Variants in NAV3 observed in about 807,000 individuals in gnomAD.
NAV3 encodes pore membrane and/or filament interacting like protein 1.
Under a neutral mutation model 244.7 loss-of-function variants are expected in NAV3, and 87 were observed. The ratio of observed to expected loss-of-function variants is 0.36; its 90% CI spans 0.30 to 0.42. NAV3 has a LOEUF of 0.42. NAV3 is among the 20% of genes least tolerant of loss of function. NAV3 has a pLI of 1.00. For synonymous variants in NAV3, 1,126 were observed against 1,042.2 expected, an observed-to-expected ratio of 1.08 and a Z score of -1.55; for missense variants, 2,663 against 2,893.3, an observed-to-expected ratio of 0.92 and a Z score of 1.83.
At chr12:77,580,206 G>A (rs1413279059) in intron 2 of NAV3, among the ~76,000 whole-genome samples, 1 of 146,592 alleles carries the variant, frequency 6.8e-6, no homozygotes, top group African/African-American at 2.6e-5. Flanking sequence ...TCTTTATTTG[G>A]GGGTAGGGTG....
intron 2 of NAV3, among the ~76,000 whole-genome samples, chr12:77,652,388 T>G (rs1489527092): frequency 6.6e-6 from 1 of 152,202 alleles, no homozygotes; most frequent in Non-Finnish European, 1.5e-5. Flanking sequence ...CTCTTTATTG[T>G]ACTACTTCTG....
intron 12 of NAV3, among the ~76,000 whole-genome samples, chr12:78,077,967 T>A (rs1240117143): frequency 1.3e-5 from 2 of 152,104 alleles, no homozygotes; most frequent in Non-Finnish European, 2.9e-5. Flanking sequence ...ACATATTGTC[T>A]CACCCTTCTG....
chr12:77,718,782 C>A (rs997414457), intron 2 of NAV3, among the ~76,000 whole-genome samples: 1 of 151,900 alleles, frequency 6.6e-6, no homozygotes, highest in Non-Finnish European at 1.5e-5. Context: ...CTCAGCCTCC[C>A]AAGTAGCTGG....
intron 2 of NAV3, among the ~76,000 whole-genome samples, chr12:77,600,488 A>G (rs989633934): frequency 6.6e-6 from 1 of 151,940 alleles, no homozygotes; most frequent in Non-Finnish European, 1.5e-5. Flanking sequence ...TAGGTAAGAT[A>G]ATTGCATATA....
intron 2 of NAV3, among the ~76,000 whole-genome samples, chr12:77,699,557 T>G (rs1194528286): frequency 2.0e-5 from 3 of 152,066 alleles, no homozygotes; most frequent in Non-Finnish European, 4.4e-5. Context: ...CTTGAATGGC[T>G]GGGGGAAGGA....
intron 2 of NAV3, among the ~76,000 whole-genome samples, chr12:77,755,611 C>CTCCCTCCTTCCTTCCTTCCT (rs1201606858): frequency 5.2e-5 from 2 of 38,208 alleles, no homozygotes; most frequent in East Asian, 7.7e-4. Context: ...CCCTCCCTCC[C>CTCCCTCCTTCCTTCCTTCCT]TCCTTCCTTC....
intron 1 of NAV3, among the ~76,000 whole-genome samples, chr12:77,891,839 C>T (rs1303432940): frequency 1.3e-5 from 2 of 152,148 alleles, no homozygotes; most frequent in African/African-American, 4.8e-5. Context: ...AGTGCTGGCT[C>T]CCTTGTCCAT....
intron 16 of NAV3, among the ~76,000 whole-genome samples, chr12:78,125,063 A>C (rs2694669): frequency 0.35 from 52,908 of 152,048 alleles, 9,566 homozygotes; most frequent in African/African-American, 0.4. Flanking sequence ...AATCCTTTCA[A>C]GTACATTTAA....
intron 12 of NAV3, among the ~76,000 whole-genome samples, chr12:78,065,390 C>G (rs889780113): frequency 1.3e-5 from 2 of 152,148 alleles, no homozygotes; most frequent in Non-Finnish European, 2.9e-5. Context: ...TGTGACTCTG[C>G]ACTGTGCAAG....
intron 6 of NAV3, among the ~76,000 whole-genome samples, chr12:77,998,070 G>A (rs1321597442): frequency 6.6e-6 from 1 of 152,176 alleles, no homozygotes; most frequent in East Asian, 1.9e-4. Flanking sequence ...CAGGGATGGG[G>A]TGAGTATGAC....
intron 3 of NAV3, among the ~76,000 whole-genome samples, chr12:77,948,530 G>T (rs534475412): frequency 1.7e-4 from 26 of 151,604 alleles, no homozygotes; most frequent in Non-Finnish European, 3.7e-4. Flanking sequence ...GCTACAAATT[G>T]TTTTTTATTG....
At chr12:78,095,045 T>TTATATATATATATA (rs368659738) in intron 12 of NAV3, among the ~76,000 whole-genome samples, 116 of 123,840 alleles carry the variant, frequency 9.4e-4, no homozygotes, top group African/African-American at 2.7e-3. Flanking sequence ...CCATATCAAA[T>TTATATATATATATA]TATATATATA....
chr12:78,131,922 G>A (rs1379923825), intron 18 of NAV3, among the ~76,000 whole-genome samples: 3 of 152,136 alleles, frequency 2.0e-5, no homozygotes, highest in Non-Finnish European at 4.4e-5. Context: ...ATTTAATTGA[G>A]TAGTAATTCG....
At chr12:78,124,938 A>G (rs12427044) in intron 16 of NAV3, among the ~76,000 whole-genome samples, 8,078 of 152,262 alleles carry the variant, frequency 0.053, 275 homozygotes, top group Non-Finnish European at 0.072. Context: ...AGTGTATAAT[A>G]TTAATATTAA....
intron 2 of NAV3, among the ~76,000 whole-genome samples, chr12:77,635,780 A>C (rs1308430660): frequency 6.6e-6 from 1 of 152,202 alleles, no homozygotes; most frequent in East Asian, 1.9e-4. Flanking sequence ...ATCTTCTAAA[A>C]AAAACCGCTG....
Position 78,168,456 on chromosome 12 carries a change from T to A in NAV3, c.4870-299T>A, listed in dbSNP as rs960783490. Among the ~76,000 whole-genome samples, 6 of 151,834 alleles carry A rather than the reference T, an allele frequency of 4.0e-5. No homozygotes were observed. In the Admixed American group the frequency reaches 4.0e-4, roughly 10 times the overall value. ...GTGTTATCTGAAATGAGTGGTGTGA[T>A]ATCCTGCTTTACTTTGTACTGGTGA... is the stretch of plus-strand genomic sequence containing the variant. On this transcript the variant is annotated intron_variant, in intron 23 of 39. Transcript: ENST00000397909.
intron 12 of NAV3, among the ~76,000 whole-genome samples, chr12:78,097,104 A>C (rs1051392411): frequency 6.6e-6 from 1 of 152,186 alleles, no homozygotes; most frequent in African/African-American, 2.4e-5. Flanking sequence ...TAGTAGCCTG[A>C]GAGCAGCTGG....
At chr12:78,183,988 T>C (rs1036234173) in intron 30 of NAV3, among the ~76,000 whole-genome samples, 9 of 151,908 alleles carry the variant, frequency 5.9e-5, no homozygotes, top group Non-Finnish European at 1.3e-4. Context: ...TCTTCACTTA[T>C]CTAGCATTCC....
chr12:78,149,440 G>T (rs896249772), intron 22 of NAV3, among the ~76,000 whole-genome samples: 3 of 152,002 alleles, frequency 2.0e-5, no homozygotes, highest in African/African-American at 7.2e-5. Flanking sequence ...AATTTAAAAG[G>T]GTACACTTTT....
Sources: gnomAD v4.1 joint callset for allele counts (sites outside exome capture counted in the v4.1 genomes callset) on GRCh38, gnomAD v4.1.1 for gene constraint, MANE v1.5 for transcripts, NCBI Gene and HGNC (gene_info 2026-07-23, HGNC 2026-07-21) for gene names.